FBXO28: variants seen among roughly 807,000 people sequenced by gnomAD.
FBXO28 encodes the protein F-box only protein 28.
FBXO28 carries 8 observed loss-of-function variants against 38.1 expected under a neutral mutation model. The observed-to-expected ratio is 0.21, with a 90% CI of 0.12 to 0.38. The LOEUF (loss-of-function observed/expected upper bound fraction) is 0.38. Ranked by LOEUF, FBXO28 falls within the 10% of genes least tolerant of loss-of-function variation. The pLI is 1.00. For synonymous variants in FBXO28, 168 were observed against 173.8 expected, an observed-to-expected ratio of 0.97 and a Z score of 0.26; for missense variants, 345 against 460.6, an observed-to-expected ratio of 0.75 and a Z score of 2.30.
rs1355843348 is a variant in FBXO28 at position 224,114,160 on chromosome 1, G to A, written c.31G>A (p.Glu11Lys). ...GGCAGCGGCGGAGGAGCGGATGGCA[G>A]AGGAAGGAGGCGGCGGCCAAGGCGA... MAAAAEERMA[E>K]EGGGGQGDGG... Residue 11 changes from glutamate to lysine, a missense_variant, in exon 1 of 5, where the codon GAG becomes AAG. Transcript: ENST00000366862. 19 of 1,546,098 alleles carry A rather than the reference G, an allele frequency of 1.2e-5. No homozygotes were observed. The highest frequency in any genetic ancestry group is 1.4e-5 in the Non-Finnish European group (16 of 1,145,306).
intron 3 of FBXO28, among the ~76,000 whole-genome samples, chr1:224,150,351 C>A (rs1657611898): frequency 6.6e-6 from 1 of 152,072 alleles, no homozygotes; most frequent in South Asian, 2.1e-4. Context: ...GGTACTTTTC[C>A]TATATATAAC....
In FBXO28 at chr1:224,114,187, G is replaced by A; in HGVS notation, c.58G>A (p.Gly20Ser). ...AEEGGGGQGD[G>S]GSSLASGSTQ... Reference sequence around the variant, plus strand: ...GGAAGGAGGCGGCGGCCAAGGCGACGGCGGTTCCTCTTTGGCCTCCGGCTC... The same window carrying A: ...GGAAGGAGGCGGCGGCCAAGGCGACAGCGGTTCCTCTTTGGCCTCCGGCTC... The change falls in exon 1 of 5, where the codon GGC becomes AGC. Residue 20 changes from glycine to serine, a missense_variant. Transcript: ENST00000366862. 1.9e-6 allele frequency: 3 copies of A among 1,547,714 alleles called. No individual in the cohort carries two copies. Among genetic ancestry groups the A allele is most frequent in the Middle Eastern group, 2.1e-4 (1 of 4,704 alleles).
chr1:224,129,114 A>G (rs756538478), intron 1 of FBXO28, among the ~76,000 whole-genome samples: 1 of 151,912 alleles, frequency 6.6e-6, no homozygotes, highest in Non-Finnish European at 1.5e-5. Context: ...GCCAAGGCGG[A>G]TGGATTACTT....
At chr1:224,118,155 G>C (rs949767115) in intron 1 of FBXO28, among the ~76,000 whole-genome samples, 1 of 151,936 alleles carries the variant, frequency 6.6e-6, no homozygotes, top group East Asian at 1.9e-4. Context: ...ATGTTGCCCA[G>C]GCTGGTCTTA....
chr1:224,152,148 G>A (rs1436483152), intron 3 of FBXO28, among the ~76,000 whole-genome samples: 1 of 151,760 alleles, frequency 6.6e-6, no homozygotes, highest in Non-Finnish European at 1.5e-5. Flanking sequence ...GCCTAAGGAA[G>A]GTTCACTTAC....
At chr1:224,115,125 C>T (rs1656616204) in intron 1 of FBXO28, among the ~76,000 whole-genome samples, 1 of 152,098 alleles carries the variant, frequency 6.6e-6, no homozygotes, top group Non-Finnish European at 1.5e-5. Context: ...TTTACGCCCA[C>T]CCACCTGCTT....
Position 224,146,083 on chromosome 1 carries a change from A to T in FBXO28, c.517-7059A>T, listed in dbSNP as rs981878921. ...CTCCTTCTCAAAAAAAAAAAAAAAA[A>T]ATTATCCGGGCGTGGTGGCACACGC... On this transcript the variant is annotated intron_variant, in intron 3 of 4. Coordinates refer to ENST00000366862, the MANE Select transcript of FBXO28 (RefSeq NM_015176.4). 3.3e-5 allele frequency among the ~76,000 whole-genome samples: 5 copies of T among 151,706 alleles called. No individual in the cohort carries two copies. In the East Asian group the frequency reaches 9.7e-4, roughly 29 times the overall value.
chr1:224,130,439 G>A lies in FBXO28; in HGVS notation c.268-33G>A, dbSNP rs779323701. ...GTCTCAGTTGTCTCTTATTAATTTG[G>A]TTATTGATTTTTGTTCTTTTTTCTC... On this transcript the variant is annotated intron_variant, in intron 1 of 4. Transcript: ENST00000366862. The A allele has an allele frequency of 1.1e-5, 14 of 1,301,998 alleles. No individual in the cohort carries two copies. In the Middle Eastern group the frequency reaches 9.1e-4, roughly 85 times the overall value. 80.7% of individuals were successfully genotyped at this position (1,301,998 alleles called of 1,614,324 possible).
rs529406196 is a variant in FBXO28 at position 224,156,787 on chromosome 1, C to T, written c.713-565C>T. On this transcript the variant is annotated intron_variant, in intron 4 of 4. Coordinates refer to ENST00000366862, the MANE Select transcript of FBXO28 (RefSeq NM_015176.4). ...GGCCGAGGCAGGCAGATCATGAGGT[C>T]AGGAGATCCACACCATCCTGGCTAA... is the stretch of plus-strand genomic sequence containing the variant. Among the ~76,000 whole-genome samples the T allele has an allele frequency of 1.0e-3, 154 of 148,570 alleles. 1 individual carries two copies. Among genetic ancestry groups the T allele is most frequent in the Middle Eastern group, 3.5e-3 (1 of 286 alleles).
Position 224,157,572 on chromosome 1 carries a change from T to A in FBXO28, c.933T>A (p.Gly311=). The part of the protein sequence containing the change: ...QKLLEQTQII[G]EQNARLAELE... ...TGCTAGAGCAGACCCAGATCATAGG[T>A]GAACAAAATGCACGGTTGGCAGAGC... The change falls in exon 5 of 5, where the codon GGT becomes GGA. Residue 311 remains glycine (G), a synonymous_variant. Transcript: ENST00000366862. 6.2e-7 allele frequency: 1 copy of A among 1,614,066 alleles called. No homozygotes were observed. The highest frequency in any genetic ancestry group is 8.5e-7 in the Non-Finnish European group (1 of 1,180,020).
chr1:224,131,543 A>G (rs1657049150), intron 2 of FBXO28, among the ~76,000 whole-genome samples: 2 of 152,208 alleles, frequency 1.3e-5, no homozygotes, highest in African/African-American at 4.8e-5. Context: ...GTTGATTTTA[A>G]CAAGGATGTC....
chr1:224,140,619 T>TA (rs1014347251), intron 3 of FBXO28, among the ~76,000 whole-genome samples: 1 of 151,920 alleles, frequency 6.6e-6, no homozygotes, highest in African/African-American at 2.4e-5. Flanking sequence ...CATGAGCCTT[T>TA]AAAAAAAATA....
At chr1:224,143,680 A>C (rs1404326527) in intron 3 of FBXO28, among the ~76,000 whole-genome samples, 9 of 151,942 alleles carry the variant, frequency 5.9e-5, no homozygotes, top group Non-Finnish European at 1.3e-4. Context: ...AAAAATAAAT[A>C]AATAAATTAG....
Position 224,148,616 on chromosome 1 carries a change from C to G in FBXO28, c.517-4526C>G, listed in dbSNP as rs1349287348. 3.3e-5 allele frequency among the ~76,000 whole-genome samples: 5 copies of G among 151,426 alleles called. No homozygotes were observed. In the South Asian group the frequency reaches 6.3e-4, roughly 19 times the overall value. Reference sequence around the variant, plus strand: ...GGCAGAGCTTGCAGTGAGCCAAGATCGCACCACCGCACTCCAGCCTGGGCG... The same window carrying G: ...GGCAGAGCTTGCAGTGAGCCAAGATGGCACCACCGCACTCCAGCCTGGGCG... On this transcript the variant is annotated intron_variant, in intron 3 of 4. Coordinates refer to ENST00000366862, the MANE Select transcript of FBXO28 (RefSeq NM_015176.4).
At chr1:224,130,602 A>T (rs1311554129) in intron 2 of FBXO28, 21 bp downstream of exon 2, 1 of 1,485,782 alleles carries the variant, frequency 6.7e-7, no homozygotes, top group South Asian at 1.1e-5. Context: ...GGTGGCAATG[A>T]CAATGATGTA....
chr1:224,119,460 T>C (rs1656723404), intron 1 of FBXO28, among the ~76,000 whole-genome samples: 1 of 152,070 alleles, frequency 6.6e-6, no homozygotes, highest in South Asian at 2.1e-4. Flanking sequence ...CTTGTATTTT[T>C]CTCCCACCAT....
rs1395307032 is a variant in FBXO28, at chr1:224,158,456, C to T, written c.*710C>T. 1 of 154,548 alleles carries T rather than the reference C, an allele frequency of 6.5e-6. No homozygotes were observed. The highest frequency in any genetic ancestry group is 1.9e-4 in the East Asian group (1 of 5,196). The allele number at this position is 154,548 out of a possible 1,614,324, so 9.6% of individuals were successfully genotyped here. A position where few individuals can be genotyped will look rare whatever the true frequency, so the allele number is the denominator to read the frequency against. The stretch of plus-strand genomic sequence containing the variant: ...TCAACTCACTTAAAAAGCTCTTGCA[C>T]TGGTATTGATCTTGAACCTCTATAC... On this transcript the variant is annotated 3_prime_UTR_variant, in exon 5 of 5. Coordinates refer to ENST00000366862, the MANE Select transcript of FBXO28 (RefSeq NM_015176.4).
intron 3 of FBXO28, among the ~76,000 whole-genome samples, chr1:224,138,572 C>G (rs56225517): frequency 3.8e-4 from 57 of 151,878 alleles, no homozygotes; most frequent in Non-Finnish European, 6.5e-4. Context: ...AATCTTCTAT[C>G]TAACACATGG....
At chr1:224,127,074 A>C (rs4653563) in intron 1 of FBXO28, among the ~76,000 whole-genome samples, 75,875 of 151,320 alleles carry the variant, frequency 0.5, 20,310 homozygotes, top group South Asian at 0.6. Context: ...GTGATTATTC[A>C]GGACTGGGGC....
Sources: gnomAD v4.1 joint callset for allele counts (sites outside exome capture counted in the v4.1 genomes callset) on GRCh38, gnomAD v4.1.1 for gene constraint, MANE v1.5 for transcripts, NCBI Gene and HGNC (gene_info 2026-07-23, HGNC 2026-07-21) for gene names.